RAB22A: variants seen among roughly 807,000 people sequenced by gnomAD.
RAB22A encodes ras-related protein Rab-22A.
A neutral mutation model predicts 30.2 loss-of-function variants in RAB22A; 13 were observed. That is an observed-to-expected ratio of 0.43 (90% confidence interval 0.28 to 0.68). RAB22A has a LOEUF of 0.68. Ranked by LOEUF, RAB22A falls within the 30% of genes least tolerant of loss-of-function variation. RAB22A has a pLI of 0.18. For missense variants in RAB22A, 177 were observed against 246.8 expected (o/e 0.72, Z 1.89); for synonymous variants, 89 against 87.2 (o/e 1.02, Z -0.11).
At chr20:58,344,765 A>G (rs1435776287) in intron 3 of RAB22A, among the ~76,000 whole-genome samples, 1 of 152,218 alleles carries the variant, frequency 6.6e-6, no homozygotes, top group Non-Finnish European at 1.5e-5. Flanking sequence ...ATCATCACAG[A>G]CAAATGGAGG....
At chr20:58,310,048 G>C in intron 1 of RAB22A, 36 bp downstream of exon 1, 1 of 1,261,154 alleles carries the variant, frequency 7.9e-7, no homozygotes, top group Non-Finnish European at 1.0e-6. Flanking sequence ...AGGGCCACGG[G>C]AGGCTGGGCT....
chr20:58,354,314 A>AC lies in RAB22A; in HGVS notation c.487+50dup, dbSNP rs776892119. The AC allele has an allele frequency of 1.8e-5, 23 of 1,279,622 alleles. 2 individuals carry two copies. In the South Asian group the frequency reaches 3.0e-4, roughly 16 times the overall value. The allele number at this position is 1,279,622 out of a possible 1,614,324, so 79.3% of individuals were successfully genotyped here. A position where few individuals can be genotyped will look rare whatever the true frequency, so the allele number is the denominator to read the frequency against. On this transcript the variant is annotated intron_variant, in intron 6 of 6. Coordinates refer to ENST00000244040, the MANE Select transcript of RAB22A (RefSeq NM_020673.3). ...ATTTCCTCTGTAAAAGCCGCTTAAC[A>AC]CAGAATGATCTTCCTGGTTAGAATT...
chr20:58,330,483 G>T (rs79958604), intron 2 of RAB22A, among the ~76,000 whole-genome samples: 2,413 of 151,320 alleles, frequency 0.016, 27 homozygotes, highest in Non-Finnish European at 0.02. Flanking sequence ...ACATTTTCTT[G>T]GATTATCTAG....
intron 6 of RAB22A, among the ~76,000 whole-genome samples, chr20:58,356,637 A>G (rs1474456324): frequency 6.6e-6 from 1 of 152,222 alleles, no homozygotes; most frequent in East Asian, 1.9e-4. Flanking sequence ...GGCCGTTCCT[A>G]CACCCAACGG....
chr20:58,352,356 A>T (rs1987065942), intron 3 of RAB22A, among the ~76,000 whole-genome samples: 1 of 152,212 alleles, frequency 6.6e-6, no homozygotes, highest in African/African-American at 2.4e-5. Flanking sequence ...AACCACCATT[A>T]ACAACAGGAT....
intron 2 of RAB22A, among the ~76,000 whole-genome samples, chr20:58,315,565 G>GA (rs1197164842): frequency 3.3e-5 from 5 of 151,618 alleles, no homozygotes; most frequent in African/African-American, 9.7e-5. Flanking sequence ...TTGGGGCGGG[G>GA]GGTCATAGCC....
chr20:58,342,674 TC>T (rs1176745614), intron 2 of RAB22A, among the ~76,000 whole-genome samples: 1 of 151,104 alleles, frequency 6.6e-6, no homozygotes, highest in Non-Finnish European at 1.5e-5. Flanking sequence ...AAGTATAACT[TC>T]GTACTTGGTT....
Position 58,312,296 on chromosome 20 carries a change from T to C in RAB22A, c.116+1174T>C, listed in dbSNP as rs1251353871. On this transcript the variant is annotated intron_variant, in intron 2 of 6. Coordinates refer to ENST00000244040, the MANE Select transcript of RAB22A (RefSeq NM_020673.3). ...TTTGTCTGCTTTTTTTTTTTTTTTTTCACCCAGGCTGGAGTGCAGTGGCAC... is the reference window on the plus strand; with the variant it reads ...TTTGTCTGCTTTTTTTTTTTTTTTTCCACCCAGGCTGGAGTGCAGTGGCAC... 1.1e-4 allele frequency among the ~76,000 whole-genome samples: 17 copies of C among 149,964 alleles called. No homozygotes were observed. In the East Asian group the frequency reaches 1.4e-3, roughly 12 times the overall value.
intron 3 of RAB22A, among the ~76,000 whole-genome samples, chr20:58,347,301 A>G (rs1986966931): frequency 6.6e-6 from 1 of 152,210 alleles, no homozygotes; most frequent in Non-Finnish European, 1.5e-5. Context: ...AGTCAATGAA[A>G]GTGATTTTGG....
At chr20:58,346,885 A>G (rs1203308844) in intron 3 of RAB22A, among the ~76,000 whole-genome samples, 1 of 152,094 alleles carries the variant, frequency 6.6e-6, no homozygotes, top group Non-Finnish European at 1.5e-5. Flanking sequence ...CTGTTTCCTT[A>G]CCTGTCTGCC....
chr20:58,329,057 T>C (rs143924573), intron 2 of RAB22A, among the ~76,000 whole-genome samples: 1 of 33,734 alleles, frequency 3.0e-5, no homozygotes, highest in Non-Finnish European at 4.9e-5. Flanking sequence ...GCATATTCCC[T>C]TTTTTTTTTT....
chr20:58,327,583 C>T (rs545606201), intron 2 of RAB22A, among the ~76,000 whole-genome samples: 2 of 152,176 alleles, frequency 1.3e-5, no homozygotes, highest in African/African-American at 2.4e-5. Flanking sequence ...CAGTGCCTTT[C>T]GTGACCTACT....
intron 2 of RAB22A, among the ~76,000 whole-genome samples, chr20:58,326,625 A>G (rs2122937917): frequency 6.6e-6 from 1 of 152,252 alleles, no homozygotes; most frequent in Admixed American, 6.5e-5. Context: ...CATGCTATGA[A>G]CATTCTTTTA....
Position 58,359,717 on chromosome 20 carries a change from T to C in RAB22A, c.*14T>C. 6.3e-7 allele frequency: 1 copy of C among 1,588,038 alleles called. No homozygotes were observed. The highest frequency in any genetic ancestry group is 1.1e-5 in the South Asian group (1 of 90,362). ...AGCTGCTGCTGACCGAACCTCAGCC[T>C]CTCAGACTTGATGATGAAGTAGGTG... On this transcript the variant is annotated 3_prime_UTR_variant, in exon 7 of 7. Coordinates refer to ENST00000244040, the MANE Select transcript of RAB22A (RefSeq NM_020673.3).
In RAB22A at chr20:58,363,257, G is replaced by A. The variant is rs1987259182; in HGVS notation, c.*3554G>A. 1 of 152,200 alleles carries A rather than the reference G, an allele frequency of 6.6e-6. No homozygotes were observed. Among genetic ancestry groups the A allele is most frequent in the Non-Finnish European group, 1.5e-5 (1 of 68,022 alleles). The allele number at this position is 152,200 out of a possible 1,614,324, so 9.4% of individuals were successfully genotyped here. On this transcript the variant is annotated 3_prime_UTR_variant, in exon 7 of 7. Coordinates refer to ENST00000244040, the MANE Select transcript of RAB22A (RefSeq NM_020673.3). ...TTTTAGATTCTAAGAGTGAGTTACA[G>A]AATTCTTTTTGGTACTTTCACTTAT...
intron 3 of RAB22A, among the ~76,000 whole-genome samples, chr20:58,344,318 G>A (rs1251430255): frequency 2.6e-5 from 4 of 152,226 alleles, no homozygotes; most frequent in African/African-American, 7.2e-5. Context: ...GCTTAAGGAA[G>A]AGCCTGAACC....
rs41275664 is a variant in RAB22A, at chr20:58,311,072, G to A, written c.66G>A (p.Val22=). 1.2e-6 allele frequency: 2 copies of A among 1,606,726 alleles called. No homozygotes were observed. Among genetic ancestry groups the A allele is most frequent in the Non-Finnish European group, 1.7e-6 (2 of 1,173,280 alleles). ...GDTGVGKSSI[V]WRFVEDSFDP... ...CAGGTGTAGGTAAATCGAGTATTGT[G>A]TGGCGGTTTGTGGAAGACAGTTTTG... The change falls in exon 2 of 7, where the codon GTG becomes GTA. Residue 22 remains valine (V), a synonymous_variant. Coordinates refer to ENST00000244040, the MANE Select transcript of RAB22A (RefSeq NM_020673.3).
chr20:58,317,583 G>C (rs1412041134), intron 2 of RAB22A, among the ~76,000 whole-genome samples: 1 of 126,096 alleles, frequency 7.9e-6, no homozygotes, highest in Non-Finnish European at 1.6e-5. Flanking sequence ...TTTTGAGACA[G>C]AGTCTCGCTC....
chr20:58,364,162 G>T lies in RAB22A; in HGVS notation c.*4459G>T, dbSNP rs1012896099. 1.3e-5 allele frequency: 2 copies of T among 152,596 alleles called. No individual in the cohort carries two copies. Among genetic ancestry groups the T allele is most frequent in the African/African-American group, 4.8e-5 (2 of 41,446 alleles). 9.5% of individuals were successfully genotyped at this position (152,596 alleles called of 1,614,324 possible). ...AGTCTAAGAGAATGATAAGTGAGAGGCCTATTGTGATGAAGTTGCATTGGA... is the reference window on the plus strand; with the variant it reads ...AGTCTAAGAGAATGATAAGTGAGAGTCCTATTGTGATGAAGTTGCATTGGA... On this transcript the variant is annotated 3_prime_UTR_variant, in exon 7 of 7. Coordinates refer to ENST00000244040, the MANE Select transcript of RAB22A (RefSeq NM_020673.3).
Sources: gnomAD v4.1 joint callset for allele counts (sites outside exome capture counted in the v4.1 genomes callset) on GRCh38, gnomAD v4.1.1 for gene constraint, MANE v1.5 for transcripts, NCBI Gene and HGNC (gene_info 2026-07-23, HGNC 2026-07-21) for gene names.